The following CUX1 variants were observed in gnomAD, a reference collection of about 807,000 sequenced individuals.
The protein encoded by CUX1 is cut like homeobox 1, also known as protein CASP.
A neutral mutation model predicts 158.8 loss-of-function variants in CUX1; 31 were observed. The ratio of observed to expected loss-of-function variants is 0.20; its 90% CI spans 0.15 to 0.26. The LOEUF (loss-of-function observed/expected upper bound fraction) is 0.26, where lower values mean the gene tolerates loss of function less well. Among genes scored for constraint, CUX1 ranks in the 10% least tolerant of loss-of-function variants. CUX1 has a pLI of 1.00. For synonymous variants in CUX1, 879 were observed against 862.1 expected, an observed-to-expected ratio of 1.02 and a Z score of -0.34; for missense variants, 1,589 against 2,014.6, an observed-to-expected ratio of 0.79 and a Z score of 4.04.
rs369526161 is a variant in CUX1, at chr7:102,234,258, G to A, written c.3622+18G>A. 3.6e-4 allele frequency: 543 copies of A among 1,498,718 alleles called. 6 individuals carry two copies. The highest frequency in any genetic ancestry group is 1.6e-3 in the Middle Eastern group (9 of 5,522). 92.8% of individuals were successfully genotyped at this position (1,498,718 alleles called of 1,614,324 possible). A position where few individuals can be genotyped will look rare whatever the true frequency, so the allele number is the denominator to read the frequency against. ...GAAGAAAGGTAAGTCTCCCTGCCCC[G>A]CCCGGGCCGGCTGCGTCCGCATTCA... is the stretch of plus-strand genomic sequence containing the variant. On this transcript the variant is annotated intron_variant, in intron 22 of 23. Coordinates refer to ENST00000292535, the MANE Select transcript of CUX1 (RefSeq NM_181552.4).
At chr7:102,081,656 A>G (rs1827430340) in intron 4 of CUX1, among the ~76,000 whole-genome samples, 1 of 145,998 alleles carries the variant, frequency 6.8e-6, no homozygotes, top group African/African-American at 2.4e-5. Context: ...TTTTTTTGAG[A>G]TGGAGTCTCA....
intron 10 of CUX1, among the ~76,000 whole-genome samples, chr7:102,170,916 T>C (rs963244461): frequency 1.3e-5 from 2 of 151,342 alleles, no homozygotes; most frequent in Non-Finnish European, 2.9e-5. Flanking sequence ...CACGGAGAAA[T>C]TGAGGGTTTC....
chr7:101,940,256 AG>A (rs1807543618), intron 2 of CUX1, among the ~76,000 whole-genome samples: 1 of 150,198 alleles, frequency 6.7e-6, no homozygotes, highest in Admixed American at 6.6e-5. Context: ...AAAAAAAAAA[AG>A]AGGAGGTTTT....
chr7:101,904,239 G>A (rs1168316502), intron 1 of CUX1, among the ~76,000 whole-genome samples: 1 of 152,138 alleles, frequency 6.6e-6, no homozygotes, highest in East Asian at 1.9e-4. Flanking sequence ...GTTCGAGGCT[G>A]CAGTAAACTG....
In CUX1 at chr7:102,197,054, G is replaced by A. The variant is rs1554518593; in HGVS notation, c.1643G>A (p.Gly548Asp). 1 of 1,614,224 alleles carries A rather than the reference G, an allele frequency of 6.2e-7. No individual in the cohort carries two copies. Among genetic ancestry groups the A allele is most frequent in the Non-Finnish European group, 8.5e-7 (1 of 1,180,048 alleles). The stretch of plus-strand genomic sequence containing the variant: ...GAAAGTGCTGGGAGCGTCTCCGAGG[G>A]CGAGGAGATGGACACTGCAGAAATC... ...QSESAGSVSE[G>D]EEMDTAEIAR... The change falls in exon 15 of 24, where the codon GGC becomes GAC. Residue 548 changes from glycine (G) to aspartate (D), a missense_variant. Physicochemically the swap from Gly to Asp is moderately conservative, Grantham distance 94. This residue lies in a region of CUX1 where 515 missense variants were observed against 574.4 expected (regional missense o/e 0.90). Transcript: ENST00000292535.
At chr7:102,136,519 A>G (rs565206933) in intron 8 of CUX1, among the ~76,000 whole-genome samples, 3 of 151,842 alleles carry the variant, frequency 2.0e-5, no homozygotes, top group East Asian at 1.9e-4. Flanking sequence ...AGCCTCCCCA[A>G]TAGCTGGGAT....
intron 3 of CUX1, among the ~76,000 whole-genome samples, chr7:102,067,806 C>G (rs997737917): frequency 6.6e-6 from 1 of 151,144 alleles, no homozygotes; most frequent in Non-Finnish European, 1.5e-5. Context: ...CCCCTGAGGT[C>G]AGGAGTTCAA....
At chr7:101,899,433 T>C (rs571116300) in intron 1 of CUX1, among the ~76,000 whole-genome samples, 148 of 152,286 alleles carry the variant, frequency 9.7e-4, no homozygotes, top group African/African-American at 3.4e-3. Flanking sequence ...ACTCTTGTGA[T>C]CCCAGCTACT....
intron 9 of CUX1, among the ~76,000 whole-genome samples, chr7:102,160,065 C>A (rs1388503500): frequency 6.6e-6 from 1 of 151,868 alleles, no homozygotes; most frequent in African/African-American, 2.4e-5. Context: ...CCTGTCATCC[C>A]AGCTGTTCAG....
chr7:102,185,768 C>A (rs1223075373), intron 11 of CUX1, among the ~76,000 whole-genome samples: 1 of 152,064 alleles, frequency 6.6e-6, no homozygotes, highest in African/African-American at 2.4e-5. Context: ...CTCTGGAGTC[C>A]AGGTTTGCAG....
At chr7:102,030,691 G>GTTTTTTTTTTTTTTTTTTTTTTTTTTGT (rs71119801) in intron 3 of CUX1, among the ~76,000 whole-genome samples, 3 of 119,386 alleles carry the variant, frequency 2.5e-5, no homozygotes, top group Non-Finnish European at 3.4e-5. Flanking sequence ...TTTAAAAAGT[G>GTTTTTTTTTTTTTTTTTTTTTTTTTTGT]TTTTTTTTTT....
At chr7:101,893,390 G>A (rs540746456) in intron 1 of CUX1, among the ~76,000 whole-genome samples, 1 of 151,778 alleles carries the variant, frequency 6.6e-6, no homozygotes, top group Middle Eastern at 3.4e-3. Context: ...TTTAATCTAG[G>A]AAACAAAACT....
In CUX1 at chr7:102,193,895, G is replaced by T; in HGVS notation, c.1125+5G>T. 1 of 1,613,920 alleles carries T rather than the reference G, an allele frequency of 6.2e-7. No individual in the cohort carries two copies. The highest frequency in any genetic ancestry group is 8.5e-7 in the Non-Finnish European group (1 of 1,179,894). On this transcript the variant is annotated splice_donor_5th_base_variant and intron_variant, in intron 13 of 23. Transcript: ENST00000292535. ...TCCGAGGGCGCTGGGACACAGGTACGTGTCTCACCTCAATGGTCAGCACTA... is the reference window on the plus strand; with the variant it reads ...TCCGAGGGCGCTGGGACACAGGTACTTGTCTCACCTCAATGGTCAGCACTA...
At chr7:101,823,148 T>C (rs1210491714) in intron 1 of CUX1, among the ~76,000 whole-genome samples, 1 of 152,130 alleles carries the variant, frequency 6.6e-6, no homozygotes. Flanking sequence ...CCTCGGGCCA[T>C]GGGAAGTGCA....
In CUX1 at chr7:101,956,138, C is replaced by CAAAAAAA. The variant is rs11462111; in HGVS notation, c.141+39932_141+39938dup. Among the ~76,000 whole-genome samples, 59 of 64,976 alleles carry CAAAAAAA rather than the reference C, an allele frequency of 9.1e-4. 3 individuals are homozygous for CAAAAAAA. Among genetic ancestry groups the CAAAAAAA allele is most frequent in the Non-Finnish European group, 1.2e-3 (46 of 37,660 alleles). The allele number at this position is 64,976 out of a possible 152,430, so 42.6% of individuals were successfully genotyped here. ...TGGAGCTTGCAGTGAGCCCACGTCT[C>CAAAAAAA]AAAAAAAAAAAAAAAAAAAAAAAAA... On this transcript the variant is annotated intron_variant, in intron 2 of 23. Coordinates refer to ENST00000292535, the MANE Select transcript of CUX1 (RefSeq NM_181552.4).
chr7:102,020,279 G>A (rs1292251990), intron 2 of CUX1, among the ~76,000 whole-genome samples: 5 of 152,216 alleles, frequency 3.3e-5, no homozygotes, highest in African/African-American at 7.2e-5. Context: ...CCAAAGGAAC[G>A]ATGCCGTGTT....
intron 1 of CUX1, among the ~76,000 whole-genome samples, chr7:101,821,568 C>G (rs1351937220): frequency 1.5e-4 from 23 of 150,994 alleles, no homozygotes; most frequent in Non-Finnish European, 2.9e-4. Flanking sequence ...TCGATCTCCT[C>G]ACTTAGTGAT....
Position 101,972,874 on chromosome 7 carries a change from A to AG in CUX1, c.142-55224_142-55223insG, listed in dbSNP as rs1249161601. 2.6e-5 allele frequency among the ~76,000 whole-genome samples: 4 copies of AG among 152,172 alleles called. No individual in the cohort carries two copies. In the East Asian group the frequency reaches 7.7e-4, roughly 29 times the overall value. ...TCTTGGCATTCAAAGTTGCACCCTG[A>AG]TGCCTGTGAGGGAGTCGTGACTTTC... On this transcript the variant is annotated intron_variant, in intron 2 of 23. Coordinates refer to ENST00000292535, the MANE Select transcript of CUX1 (RefSeq NM_181552.4).
chr7:102,199,286 C>T (rs1795136930), intron 16 of CUX1, among the ~76,000 whole-genome samples: 1 of 152,252 alleles, frequency 6.6e-6, no homozygotes, highest in Admixed American at 6.5e-5. Flanking sequence ...GGAACGGACG[C>T]ATCCCACATC....
Sources: allele counts gnomAD v4.1 joint callset (sites outside exome capture counted in the v4.1 genomes callset), GRCh38; gene constraint gnomAD v4.1.1; regional missense constraint gnomAD v4.1.1; transcripts MANE v1.5; gene names NCBI Gene and HGNC (gene_info 2026-07-23, HGNC 2026-07-21).